The following HSPB8 variants were observed in gnomAD, a reference collection of about 807,000 sequenced individuals.
The protein encoded by HSPB8 is heat shock protein family B (small) member 8.
A neutral mutation model predicts 16.5 loss-of-function variants in HSPB8; 9 were observed. That is an observed-to-expected ratio of 0.55 (90% confidence interval 0.33 to 0.95). The LOEUF is 0.95. Ranked by LOEUF, HSPB8 falls within the 40% of genes least tolerant of loss-of-function variation. HSPB8 has a pLI of 0.03. For missense variants in HSPB8, 238 were observed against 251.2 expected (o/e 0.95, Z 0.35); for synonymous variants, 99 against 94.8 (o/e 1.04, Z -0.26).
chr12:119,183,525 T>C (rs1954653007), intron 1 of HSPB8, among the ~76,000 whole-genome samples: 1 of 152,244 alleles, frequency 6.6e-6, no homozygotes, highest in Non-Finnish European at 1.5e-5. Context: ...GAAAAAAGCA[T>C]GTCTGCAAGG....
chr12:119,193,995 T>G lies in HSPB8; in HGVS notation c.*137T>G. 3.3e-6 allele frequency: 3 copies of G among 912,766 alleles called. No homozygotes were observed. The highest frequency in any genetic ancestry group is 5.3e-6 in the Non-Finnish European group (3 of 561,724). The allele number at this position is 912,766 out of a possible 1,614,324, so 56.5% of individuals were successfully genotyped here. On this transcript the variant is annotated 3_prime_UTR_variant, in exon 3 of 3. Coordinates refer to ENST00000281938, the MANE Select transcript of HSPB8 (RefSeq NM_014365.3). ...TGCGGGGGTGAGGACTGACCACAGATTCCCTGGATAGTGTAGTGGTAGATT... is the reference window on the plus strand; with the variant it reads ...TGCGGGGGTGAGGACTGACCACAGAGTCCCTGGATAGTGTAGTGGTAGATT...
At chr12:119,188,142 T>C (rs181257677) in intron 2 of HSPB8, among the ~76,000 whole-genome samples, 3 of 152,112 alleles carry the variant, frequency 2.0e-5, no homozygotes, top group African/African-American at 7.2e-5. Context: ...TGGCTGCACT[T>C]AAACAACTGC....
Position 119,193,942 on chromosome 12 carries a change from G to A in HSPB8, c.*84G>A. ...GGATACATTACTTTAGCTGAACTCA[G>A]ATTTAGTGCAAGTAAAATGTTAGAG... On this transcript the variant is annotated 3_prime_UTR_variant, in exon 3 of 3. Coordinates refer to ENST00000281938, the MANE Select transcript of HSPB8 (RefSeq NM_014365.3). 1 of 1,458,632 alleles carries A rather than the reference G, an allele frequency of 6.9e-7. No individual in the cohort carries two copies. Among genetic ancestry groups the A allele is most frequent in the South Asian group, 1.1e-5 (1 of 87,542 alleles). 90.4% of individuals were successfully genotyped at this position (1,458,632 alleles called of 1,614,324 possible). A position where few individuals can be genotyped will look rare whatever the true frequency, so the allele number is the denominator to read the frequency against.
intron 1 of HSPB8, among the ~76,000 whole-genome samples, chr12:119,180,618 C>T (rs1211571143): frequency 6.6e-6 from 1 of 152,122 alleles, no homozygotes; most frequent in Non-Finnish European, 1.5e-5. Context: ...GCTCTCACTG[C>T]CGCATCCCAC....
chr12:119,189,763 C>CG (rs1954701119), intron 2 of HSPB8, among the ~76,000 whole-genome samples: 1 of 152,114 alleles, frequency 6.6e-6, no homozygotes, highest in South Asian at 2.1e-4. Flanking sequence ...GTCCATGATC[C>CG]GGGGGATGGG....
chr12:119,189,511 A>G (rs906329667), intron 2 of HSPB8, among the ~76,000 whole-genome samples: 2 of 151,896 alleles, frequency 1.3e-5, no homozygotes, highest in Non-Finnish European at 2.9e-5. Flanking sequence ...GTAGAAGGCA[A>G]TTTTTCCATG....
Position 119,179,307 on chromosome 12 carries a change from G to A in HSPB8, c.-6G>A, listed in dbSNP as rs374549932. 3.7e-6 allele frequency: 6 copies of A among 1,613,308 alleles called. No individual in the cohort carries two copies. The African/African-American group carries it at 6.7e-5, about 18-fold the overall frequency. On this transcript the variant is annotated 5_prime_UTR_variant, in exon 1 of 3. Transcript: ENST00000281938. ...CCTCTGTTTCTCTCTGAGCTGAGCAGCCACCATGGCTGACGGTCAGATGCC... is the reference window on the plus strand; with the variant it reads ...CCTCTGTTTCTCTCTGAGCTGAGCAACCACCATGGCTGACGGTCAGATGCC...
rs1954730654 is a variant in HSPB8, at chr12:119,194,224, C to T, written c.*366C>T. On this transcript the variant is annotated 3_prime_UTR_variant, in exon 3 of 3. Transcript: ENST00000281938. ...ACTTTTCTCTGGGGACCTCCCCCAT[C>T]ACCCAGGTTCCTACTCTGGGCTCCC... is the stretch of plus-strand genomic sequence containing the variant. 2 of 324,166 alleles carry T rather than the reference C, an allele frequency of 6.2e-6. No homozygotes were observed. The highest frequency in any genetic ancestry group is 5.5e-5 in the South Asian group (2 of 36,242). The allele number at this position is 324,166 out of a possible 1,614,324, so 20.1% of individuals were successfully genotyped here. A position where few individuals can be genotyped will look rare whatever the true frequency, so the allele number is the denominator to read the frequency against.
At chr12:119,181,066 A>G (rs1954633558) in intron 1 of HSPB8, among the ~76,000 whole-genome samples, 1 of 152,222 alleles carries the variant, frequency 6.6e-6, no homozygotes, top group Non-Finnish European at 1.5e-5. Flanking sequence ...TCATCTGGAA[A>G]TTAGGGTTCA....
chr12:119,186,954 A>G (rs1030045147), intron 1 of HSPB8, 71 bp from the exon 2 acceptor site: 1 of 1,452,880 alleles, frequency 6.9e-7, no homozygotes, highest in Non-Finnish European at 9.7e-7. Flanking sequence ...CAGGATTTGA[A>G]CCCAAGCCTC....
Position 119,194,010 on chromosome 12 carries a change from A to G in HSPB8, c.*152A>G. The G allele has an allele frequency of 1.2e-6, 1 of 839,910 alleles. No homozygotes were observed. 52.0% of individuals were successfully genotyped at this position (839,910 alleles called of 1,614,324 possible). A position where few individuals can be genotyped will look rare whatever the true frequency, so the allele number is the denominator to read the frequency against. ...TGACCACAGATTCCCTGGATAGTGT[A>G]GTGGTAGATTTCTCCACAGGATAGC... is the stretch of plus-strand genomic sequence containing the variant. On this transcript the variant is annotated 3_prime_UTR_variant, in exon 3 of 3. Coordinates refer to ENST00000281938, the MANE Select transcript of HSPB8 (RefSeq NM_014365.3).
Position 119,182,387 on chromosome 12 carries a change from C to T in HSPB8, c.367+2708C>T, listed in dbSNP as rs185443796. ...GGTGCGGTGGCTCATGCCTGTAATC[C>T]CAGCATTTTGGGAGGCCAAGGCGGG... On this transcript the variant is annotated intron_variant, in intron 1 of 2. Coordinates refer to ENST00000281938, the MANE Select transcript of HSPB8 (RefSeq NM_014365.3). 3.1e-3 allele frequency among the ~76,000 whole-genome samples: 473 copies of T among 152,166 alleles called. 2 individuals are homozygous for T. The highest frequency in any genetic ancestry group is 0.011 in the African/African-American group (456 of 41,520).
intron 2 of HSPB8, among the ~76,000 whole-genome samples, chr12:119,187,425 G>C (rs113925449): frequency 0.025 from 3,747 of 152,226 alleles, 165 homozygotes; most frequent in African/African-American, 0.085. Context: ...TGTGATCCCA[G>C]CTCACTGCAA....
At chr12:119,192,384 C>T (rs1187052663) in intron 2 of HSPB8, among the ~76,000 whole-genome samples, 1 of 152,066 alleles carries the variant, frequency 6.6e-6, no homozygotes, top group Non-Finnish European at 1.5e-5. Context: ...TGGCTGGGCT[C>T]GGTGGCTCAC....
intron 1 of HSPB8, among the ~76,000 whole-genome samples, chr12:119,180,177 T>C (rs1954627885): frequency 6.6e-6 from 1 of 152,194 alleles, no homozygotes; most frequent in Admixed American, 6.5e-5. Context: ...GTAGTAACAC[T>C]AACTGGTAAC....
rs755994854 is a variant in HSPB8 at position 119,187,088 on chromosome 12, A to G, written c.431A>G (p.Gln144Arg). The change falls in exon 2 of 3, where the codon CAG becomes CGG. Residue 144 changes from glutamine (Q) to arginine (R), a missense_variant and splice_region_variant. Coordinates refer to ENST00000281938, the MANE Select transcript of HSPB8 (RefSeq NM_014365.3). Reference protein sequence around the residue: ...IVSKNFTKKIQLPAEVDPVTV... With the variant: ...IVSKNFTKKIRLPAEVDPVTV... ...TCTAAGAACTTCACAAAGAAAATCC[A>G]GTAAGTAACCTGGAGTCATGGAGCT... is the stretch of plus-strand genomic sequence containing the variant. The G allele has an allele frequency of 6.2e-7, 1 of 1,613,618 alleles. No homozygotes were observed. The highest frequency in any genetic ancestry group is 8.5e-7 in the Non-Finnish European group (1 of 1,179,560).
At chr12:119,181,084 A>G (rs1565927477) in intron 1 of HSPB8, among the ~76,000 whole-genome samples, 1 of 152,218 alleles carries the variant, frequency 6.6e-6, no homozygotes, top group Non-Finnish European at 1.5e-5. Flanking sequence ...TCAAATGGTT[A>G]TACCATAAGG....
chr12:119,180,430 G>A (rs1220722763), intron 1 of HSPB8, among the ~76,000 whole-genome samples: 2 of 152,206 alleles, frequency 1.3e-5, no homozygotes, highest in African/African-American at 2.4e-5. Flanking sequence ...GGTGCCAAGG[G>A]TGGGCTGACA....
chr12:119,179,712 GA>G (rs762934817), intron 1 of HSPB8, 33 bp downstream of exon 1: 1 of 1,547,512 alleles, frequency 6.5e-7, no homozygotes, highest in Non-Finnish European at 8.7e-7. Flanking sequence ...AGAGAATGGG[GA>G]GGCCGGGATG....
Sources: gnomAD v4.1 joint callset for allele counts (sites outside exome capture counted in the v4.1 genomes callset) on GRCh38, gnomAD v4.1.1 for gene constraint, MANE v1.5 for transcripts, NCBI Gene and HGNC (gene_info 2026-07-23, HGNC 2026-07-21) for gene names.